The following ADCY10 variants were observed in gnomAD, a reference collection of about 807,000 sequenced individuals.
The protein encoded by ADCY10 is adenylate cyclase 10, also known as adenylate cyclase type 10.
ADCY10 carries 156 observed loss-of-function variants against 183.3 expected under a neutral mutation model. The ratio of observed to expected loss-of-function variants is 0.85; its 90% CI spans 0.75 to 0.97. ADCY10 has a LOEUF of 0.97. Ranked by LOEUF, ADCY10 falls within the 50% of genes least tolerant of loss-of-function variation. The pLI, the probability that ADCY10 is intolerant of heterozygous loss-of-function variation, is 0.00. For missense variants in ADCY10, 1,745 were observed against 1,934.3 expected, an observed-to-expected ratio of 0.90 and a Z score of 1.84; for synonymous variants, 645 against 670.0, an observed-to-expected ratio of 0.96 and a Z score of 0.58.
rs772950876 is a variant in ADCY10 at position 167,854,358 on chromosome 1, A to G, written c.2303T>C (p.Leu768Pro). 1 of 1,614,176 alleles carries G rather than the reference A, an allele frequency of 6.2e-7. No individual in the cohort carries two copies. Among genetic ancestry groups the G allele is most frequent in the Non-Finnish European group, 8.5e-7 (1 of 1,180,010 alleles). Residue 768 changes from leucine to proline, a missense_variant, in exon 18 of 33, where the codon CTG becomes CCG. Coordinates refer to ENST00000367851, the MANE Select transcript of ADCY10 (RefSeq NM_018417.6). ...EEKTNRTWNNLFKYSIKLTEK... is the reference protein window; with the variant it reads ...EEKTNRTWNNPFKYSIKLTEK... ...ACCATCACCGCAGGACTTACTGAAC[A>G]GGTTATTCCAGGTCCTATTTGTCTT...
At chr1:167,816,398 TAGTC>T (rs759920333) in intron 31 of ADCY10, among the ~76,000 whole-genome samples, 2 of 151,780 alleles carry the variant, frequency 1.3e-5, no homozygotes, top group Non-Finnish European at 2.9e-5. Flanking sequence ...ATACAAAAAT[TAGTC>T]AGGCATGTTG....
intron 9 of ADCY10, among the ~76,000 whole-genome samples, chr1:167,881,482 GGGGGAAA>G (rs1454891453): frequency 6.6e-6 from 1 of 152,170 alleles, no homozygotes; most frequent in East Asian, 1.9e-4. Context: ...TTGACATGAA[GGGGGAAA>G]CACTGCTTCT....
intron 30 of ADCY10, among the ~76,000 whole-genome samples, chr1:167,818,766 T>A (rs1662686038): frequency 6.6e-6 from 1 of 152,224 alleles, no homozygotes; most frequent in African/African-American, 2.4e-5. Flanking sequence ...CTCGAACTCC[T>A]GACCTCAGGT....
intron 5 of ADCY10, 35 bp downstream of exon 5, chr1:167,901,627 G>A: frequency 1.2e-6 from 2 of 1,607,534 alleles, no homozygotes; most frequent in South Asian, 2.2e-5. Context: ...CCCTATCCCA[G>A]CTGCCGTAGG....
intron 18 of ADCY10, among the ~76,000 whole-genome samples, chr1:167,852,817 A>T (rs1665597198): frequency 6.6e-6 from 1 of 151,494 alleles, no homozygotes; most frequent in Admixed American, 6.6e-5. Flanking sequence ...GTTCTCTCAG[A>T]CAACCATCTG....
At chr1:167,858,006 T>G (rs1269409494) in intron 16 of ADCY10, among the ~76,000 whole-genome samples, 1 of 152,212 alleles carries the variant, frequency 6.6e-6, no homozygotes, top group Non-Finnish European at 1.5e-5. Context: ...TTGTAAATAC[T>G]TGTGATGCAA....
At chr1:167,849,438 C>T (rs1007481968) in intron 18 of ADCY10, among the ~76,000 whole-genome samples, 2 of 152,168 alleles carry the variant, frequency 1.3e-5, no homozygotes, top group African/African-American at 4.8e-5. Context: ...AAACCAAGTT[C>T]CTTATTTCCT....
At chr1:167,875,960 A>G (rs1229710646) in intron 12 of ADCY10, among the ~76,000 whole-genome samples, 1 of 151,734 alleles carries the variant, frequency 6.6e-6, no homozygotes, top group African/African-American at 2.4e-5. Flanking sequence ...CTCAAAAAGA[A>G]AAAAAAGGAC....
intron 1 of ADCY10, among the ~76,000 whole-genome samples, chr1:167,911,340 T>A (rs1670137048): frequency 6.6e-6 from 1 of 152,270 alleles, no homozygotes; most frequent in South Asian, 2.1e-4. Context: ...CTGCTAGCCA[T>A]AATAAAGAAA....
chr1:167,905,048 T>A lies in ADCY10; in HGVS notation c.93A>T (p.Pro31=). The A allele has an allele frequency of 6.2e-7, 1 of 1,614,234 alleles. No individual in the cohort carries two copies. The highest frequency in any genetic ancestry group is 1.3e-5 in the African/African-American group (1 of 75,072). Residue 31 remains proline, a synonymous_variant, in exon 2 of 33, where the codon CCA becomes CCT. Transcript: ENST00000367851. The part of the protein sequence containing the change: ...PDLIVYGHFS[P]ERPFMDYFDG... ...CAAAATAATCCATAAAGGGTCGCTC[T>A]GGGGAGAAATGTCCATAGACAATGA...
intron 21 of ADCY10, among the ~76,000 whole-genome samples, chr1:167,839,080 A>C (rs1442882642): frequency 1.3e-5 from 2 of 152,236 alleles, no homozygotes; most frequent in African/African-American, 4.8e-5. Context: ...GCAAAAAACT[A>C]ATCTCCCTTC....
chr1:167,905,013 A>G lies in ADCY10; in HGVS notation c.128T>C (p.Leu43Pro). Residue 43 changes from leucine to proline, a missense_variant, in exon 2 of 33, where the codon CTG becomes CCG. Leu to Pro is a moderately conservative substitution (Grantham distance 98, BLOSUM62 -3). Transcript: ENST00000367851. ...CTTGCCTGAAATATCAACAAACATCAGGACTCCGTCAAAATAATCCATAAA... is the reference window on the plus strand; with the variant it reads ...CTTGCCTGAAATATCAACAAACATCGGGACTCCGTCAAAATAATCCATAAA... The part of the protein sequence containing the change: ...RPFMDYFDGV[L>P]MFVDISGFTA... 6.2e-7 allele frequency: 1 copy of G among 1,614,208 alleles called. No individual in the cohort carries two copies. The highest frequency in any genetic ancestry group is 8.5e-7 in the Non-Finnish European group (1 of 1,180,044).
At chr1:167,844,960 G>C (rs1390045152) in intron 21 of ADCY10, among the ~76,000 whole-genome samples, 1 of 152,162 alleles carries the variant, frequency 6.6e-6, no homozygotes, top group Admixed American at 6.5e-5. Context: ...CATAGTGACT[G>C]AGTCTTTGGG....
At chr1:167,829,766 A>G (rs1040186569) in intron 25 of ADCY10, among the ~76,000 whole-genome samples, 4 of 152,252 alleles carry the variant, frequency 2.6e-5, no homozygotes, top group Non-Finnish European at 5.9e-5. Context: ...AAAGAGTGGA[A>G]TAACTGACTC....
chr1:167,868,644 T>C (rs777531765), intron 14 of ADCY10, among the ~76,000 whole-genome samples: 1 of 152,208 alleles, frequency 6.6e-6, no homozygotes, highest in Non-Finnish European at 1.5e-5. Context: ...AGTTGTGTTA[T>C]TGGCACTATT....
intron 26 of ADCY10, among the ~76,000 whole-genome samples, chr1:167,827,914 A>G (rs915657848): frequency 6.6e-6 from 1 of 151,654 alleles, no homozygotes; most frequent in Non-Finnish European, 1.5e-5. Flanking sequence ...GGTTTTCCCC[A>G]TGTTGGCCAG....
chr1:167,889,098 G>C (rs934433067), intron 8 of ADCY10, among the ~76,000 whole-genome samples: 7 of 151,968 alleles, frequency 4.6e-5, no homozygotes, highest in Admixed American at 1.3e-4. Flanking sequence ...TGATTACATA[G>C]GACTTCCAGT....
chr1:167,809,877 C>T, intron 32 of ADCY10, 38 bp from the exon 33 acceptor site: 1 of 1,603,060 alleles, frequency 6.2e-7, no homozygotes, highest in South Asian at 1.1e-5. Flanking sequence ...ATCATTAGTG[C>T]TTCTTGACTT....
chr1:167,830,123 C>G (rs34623165), intron 25 of ADCY10, among the ~76,000 whole-genome samples: 21,268 of 152,108 alleles, frequency 0.14, 1,594 homozygotes, highest in East Asian at 0.2. Flanking sequence ...CTTATCCTAC[C>G]TTAAGTGCCT....
Sources: gnomAD v4.1 joint callset for allele counts (sites outside exome capture counted in the v4.1 genomes callset) on GRCh38, gnomAD v4.1.1 for gene constraint, MANE v1.5 for transcripts, NCBI Gene and HGNC (gene_info 2026-07-23, HGNC 2026-07-21) for gene names.